GALNTL6: variants seen among roughly 807,000 people sequenced by gnomAD.
GALNTL6 encodes polypeptide N-acetylgalactosaminyltransferase like 6, also known as polypeptide N-acetylgalactosaminyltransferase-like 6.
Under a neutral mutation model 73.7 loss-of-function variants are expected in GALNTL6, and 46 were observed. The ratio of observed to expected loss-of-function variants is 0.62; its 90% CI spans 0.49 to 0.80. GALNTL6 has a LOEUF of 0.80. Ranked by LOEUF, GALNTL6 falls within the 30% of genes least tolerant of loss-of-function variation. The pLI is 0.00. For missense variants in GALNTL6, 604 were observed against 755.0 expected, an observed-to-expected ratio of 0.80 and a Z score of 2.34; for synonymous variants, 259 against 263.7, an observed-to-expected ratio of 0.98 and a Z score of 0.17.
At chr4:171,945,171 C>T (rs1390382687) in intron 2 of GALNTL6, among the ~76,000 whole-genome samples, 1 of 152,006 alleles carries the variant, frequency 6.6e-6, no homozygotes, top group African/African-American at 2.4e-5. Flanking sequence ...TTACAACCAA[C>T]TCTCCAGATA....
intron 5 of GALNTL6, among the ~76,000 whole-genome samples, chr4:172,542,082 C>A (rs914040662): frequency 9.9e-5 from 15 of 151,484 alleles, no homozygotes; most frequent in Non-Finnish European, 2.1e-4. Flanking sequence ...AGAGCTTTAA[C>A]AGGGAGAAGA....
At position 172,229,678 on chromosome 4, in the gene GALNTL6, A is replaced by T. The variant is rs1560980222; in HGVS notation, c.161A>T (p.Asp54Val). Reference protein sequence around the residue: ...EQQTFPLGLGDGQFYSWTDGL... With the variant: ...EQQTFPLGLGVGQFYSWTDGL... The stretch of plus-strand genomic sequence containing the variant: ...CAGACATTTCCACTGGGCCTGGGAG[A>T]TGGGCAATTCTATTCATGGACAGAT... Residue 54 changes from aspartate to valine, a missense_variant, in exon 3 of 13, where the codon GAT (aspartate) becomes GTT (valine). This residue lies in a region of GALNTL6 where 141 missense variants were observed against 156.6 expected (regional missense o/e 0.90). Coordinates refer to ENST00000506823, the MANE Select transcript of GALNTL6 (RefSeq NM_001034845.3). The T allele has an allele frequency of 7.4e-6, 12 of 1,613,236 alleles. No homozygotes were observed. The highest frequency in any genetic ancestry group is 2.2e-5 in the South Asian group (2 of 91,026).
intron 2 of GALNTL6, among the ~76,000 whole-genome samples, chr4:172,035,246 A>G (rs1338463892): frequency 6.6e-6 from 1 of 152,160 alleles, no homozygotes; most frequent in Non-Finnish European, 1.5e-5. Context: ...TTCAAGAATA[A>G]TAGACAAGTC....
At chr4:172,561,378 C>A (rs909372905) in intron 5 of GALNTL6, among the ~76,000 whole-genome samples, 2 of 152,060 alleles carry the variant, frequency 1.3e-5, no homozygotes, top group South Asian at 2.1e-4. Context: ...ATCCTTACCC[C>A]CTGTTCTTTA....
At chr4:172,520,651 G>T (rs1734748148) in intron 5 of GALNTL6, among the ~76,000 whole-genome samples, 1 of 151,402 alleles carries the variant, frequency 6.6e-6, no homozygotes, top group African/African-American at 2.4e-5. Flanking sequence ...AATAATCAGA[G>T]CTTCATGTTA....
chr4:172,283,000 T>A (rs1739118399), intron 3 of GALNTL6, among the ~76,000 whole-genome samples: 2 of 152,218 alleles, frequency 1.3e-5, no homozygotes, highest in South Asian at 4.1e-4. Flanking sequence ...ATTTTGTTTC[T>A]CTTTGCTCTA....
chr4:172,113,400 C>T (rs1732907558), intron 2 of GALNTL6, among the ~76,000 whole-genome samples: 1 of 151,940 alleles, frequency 6.6e-6, no homozygotes, highest in South Asian at 2.1e-4. Context: ...AACATATGTA[C>T]TATGAAGTAA....
intron 5 of GALNTL6, among the ~76,000 whole-genome samples, chr4:172,421,522 AAT>A (rs1731052802): frequency 6.6e-6 from 1 of 151,884 alleles, no homozygotes; most frequent in Non-Finnish European, 1.5e-5. Flanking sequence ...AAGGATGAGA[AAT>A]ATATTTATAA....
intron 12 of GALNTL6, 99 bp from the exon 13 acceptor site, chr4:173,039,834 C>A: frequency 1.1e-6 from 1 of 904,614 alleles, no homozygotes; most frequent in Non-Finnish European, 1.7e-6. Context: ...TAAATATATA[C>A]TGAAATATAA....
intron 5 of GALNTL6, among the ~76,000 whole-genome samples, chr4:172,383,044 C>T (rs1213965855): frequency 3.3e-5 from 5 of 152,036 alleles, no homozygotes; most frequent in African/African-American, 1.2e-4. Flanking sequence ...TGTAATAAAT[C>T]TCATTATCAG....
intron 8 of GALNTL6, among the ~76,000 whole-genome samples, chr4:172,894,555 CA>C (rs1196381665): frequency 6.6e-6 from 1 of 152,096 alleles, no homozygotes; most frequent in Non-Finnish European, 1.5e-5. Flanking sequence ...GACATGATTT[CA>C]ACATTTTTTA....
intron 12 of GALNTL6, among the ~76,000 whole-genome samples, chr4:173,034,349 T>C (rs1260866897): frequency 6.6e-6 from 1 of 152,216 alleles, no homozygotes; most frequent in African/African-American, 2.4e-5. Context: ...CATTCCGAGA[T>C]ACTTTCATGA....
At chr4:172,655,056 G>A (rs1182506920) in intron 5 of GALNTL6, among the ~76,000 whole-genome samples, 1 of 152,142 alleles carries the variant, frequency 6.6e-6, no homozygotes, top group African/African-American at 2.4e-5. Context: ...GGTTCATAAT[G>A]CTATGAGGAT....
chr4:172,769,402 A>G (rs1738629720), intron 5 of GALNTL6, among the ~76,000 whole-genome samples: 1 of 152,240 alleles, frequency 6.6e-6, no homozygotes, highest in Non-Finnish European at 1.5e-5. Context: ...TGCAAAATAT[A>G]GAATACAAGG....
At position 172,229,681 on chromosome 4, in the gene GALNTL6, G is replaced by A. The variant is rs1736986382; in HGVS notation, c.164G>A (p.Gly55Glu). Reference sequence around the variant, plus strand: ...ACATTTCCACTGGGCCTGGGAGATGGGCAATTCTATTCATGGACAGATGGT... The same window carrying A: ...ACATTTCCACTGGGCCTGGGAGATGAGCAATTCTATTCATGGACAGATGGT... ...QQTFPLGLGD[G>E]QFYSWTDGLR... is the part of the protein sequence containing the mutation. The change falls in exon 3 of 13, where the codon GGG (glycine) becomes GAG (glutamate). Residue 55 changes from glycine (G) to glutamate (E), a missense_variant. Gly to Glu is a moderately conservative substitution (Grantham distance 98). Transcript: ENST00000506823. The A allele has an allele frequency of 4.3e-6, 7 of 1,613,404 alleles. No homozygotes were observed. Among genetic ancestry groups the A allele is most frequent in the Non-Finnish European group, 5.9e-6 (7 of 1,179,466 alleles).
rs111722005 is a variant in GALNTL6 at position 172,166,360 on chromosome 4, C to T, written c.139-63296C>T. 2.7e-3 allele frequency among the ~76,000 whole-genome samples: 413 copies of T among 151,934 alleles called. 1 individual carries two copies. Among genetic ancestry groups the T allele is most frequent in the African/African-American group, 8.6e-3 (356 of 41,450 alleles). ...ACTCTGGAGGCTGAGGCAGGAGAAT[C>T]GCTTGAACCCAGGAGGCGGAGGTTG... is the stretch of plus-strand genomic sequence containing the variant. On this transcript the variant is annotated intron_variant, in intron 2 of 12. Coordinates refer to ENST00000506823, the MANE Select transcript of GALNTL6 (RefSeq NM_001034845.3).
At chr4:171,960,825 A>G (rs1739200716) in intron 2 of GALNTL6, among the ~76,000 whole-genome samples, 1 of 151,942 alleles carries the variant, frequency 6.6e-6, no homozygotes, top group African/African-American at 2.4e-5. Flanking sequence ...GGGAGCACCT[A>G]AGGTCTAGAT....
intron 5 of GALNTL6, among the ~76,000 whole-genome samples, chr4:172,364,038 G>A (rs1742469068): frequency 6.6e-6 from 1 of 152,138 alleles, no homozygotes; most frequent in Admixed American, 6.5e-5. Flanking sequence ...GAGTTTGTAA[G>A]TAATTTAAGG....
intron 5 of GALNTL6, among the ~76,000 whole-genome samples, chr4:172,653,599 A>C (rs891737202): frequency 2.4e-4 from 36 of 152,032 alleles, no homozygotes; most frequent in African/African-American, 8.7e-4. Flanking sequence ...TCTATATCCG[A>C]AGAAAGAGGA....
Sources: gnomAD v4.1 joint callset for allele counts (sites outside exome capture counted in the v4.1 genomes callset) on GRCh38, gnomAD v4.1.1 for gene constraint, gnomAD v4.1.1 regional missense constraint, MANE v1.5 for transcripts, NCBI Gene and HGNC (gene_info 2026-07-23, HGNC 2026-07-21) for gene names.